Variants in SEC14L5 observed in about 807,000 individuals in gnomAD.
SEC14L5 encodes the protein SEC14 like lipid binding 5, also known as SEC14-like protein 5.
SEC14L5 carries 96 observed loss-of-function variants against 84.6 expected under a neutral mutation model. The ratio of observed to expected loss-of-function variants is 1.13; its 90% CI spans 0.96 to 1.34. The LOEUF is 1.34. SEC14L5 is among the 40% of genes most tolerant of loss of function. The probability of loss-of-function intolerance (pLI) is 0.00; values close to 1 mark genes in which losing one functional copy is unlikely to be tolerated. For missense variants in SEC14L5, 1,224 were observed against 942.5 expected (o/e 1.30, Z -3.91); for synonymous variants, 546 against 383.4 (o/e 1.42, Z -4.95).
chr16:4,986,572 A>C (rs1955489579), intron 2 of SEC14L5, among the ~76,000 whole-genome samples: 2 of 152,228 alleles, frequency 1.3e-5, no homozygotes, highest in South Asian at 2.1e-4. Context: ...ATTTCTGTAA[A>C]GAAGTCAACT....
chr16:4,967,734 G>A (rs1955221765), intron 2 of SEC14L5, among the ~76,000 whole-genome samples: 2 of 150,886 alleles, frequency 1.3e-5, no homozygotes, highest in Admixed American at 1.3e-4. Flanking sequence ...CACCATGCCT[G>A]GCTGATTTTT....
rs1469276288 is a variant in SEC14L5 at position 4,987,630 on chromosome 16, G to A, written c.137G>A (p.Arg46His). ...FLGSEVLRES[R>H]SPDGAVHVVE... ...GGCAGCGAGGTCTTGCGCGAGTCCC[G>A]CAGCCCGGACGGGGCTGTGCACGTG... Residue 46 changes from arginine (R) to histidine (H), a missense_variant, in exon 3 of 16, where the codon CGC (arginine) becomes CAC (histidine). Arg to His is a conservative substitution (Grantham distance 29). Coordinates refer to ENST00000251170, the MANE Select transcript of SEC14L5 (RefSeq NM_014692.2). The A allele has an allele frequency of 6.4e-7, 1 of 1,556,276 alleles. No homozygotes were observed. Among genetic ancestry groups the A allele is most frequent in the East Asian group, 2.4e-5 (1 of 40,848 alleles).
At position 5,008,382 on chromosome 16, in the gene SEC14L5, C is replaced by G. The variant is rs368691374; in HGVS notation, c.1573-39C>G. ...GTGTTCCCCACCCCAGCTCTACTCTCTCGGCCGTGACTCTCAGACCTCGCC... is the reference window on the plus strand; with the variant it reads ...GTGTTCCCCACCCCAGCTCTACTCTGTCGGCCGTGACTCTCAGACCTCGCC... On this transcript the variant is annotated intron_variant, in intron 13 of 15. Transcript: ENST00000251170. 32 of 1,479,584 alleles carry G rather than the reference C, an allele frequency of 2.2e-5. No individual in the cohort carries two copies. In the African/African-American group the frequency reaches 3.3e-4, roughly 15 times the overall value. 91.7% of individuals were successfully genotyped at this position (1,479,584 alleles called of 1,614,324 possible).
At chr16:4,966,582 T>C (rs1298583054) in intron 2 of SEC14L5, among the ~76,000 whole-genome samples, 1 of 152,118 alleles carries the variant, frequency 6.6e-6, no homozygotes, top group Non-Finnish European at 1.5e-5. Context: ...CCCCAGACAC[T>C]GCTCTGAGTC....
intron 2 of SEC14L5, among the ~76,000 whole-genome samples, chr16:4,962,430 G>A (rs1226113374): frequency 6.6e-6 from 1 of 152,098 alleles, no homozygotes; most frequent in East Asian, 1.9e-4. Flanking sequence ...GATCATGCCT[G>A]TAATCCCAAC....
chr16:4,990,704 C>T lies in SEC14L5; in HGVS notation c.346-63C>T, dbSNP rs1737140440. 5.2e-6 allele frequency: 8 copies of T among 1,527,900 alleles called. No homozygotes were observed. In the East Asian group the frequency reaches 1.7e-4, roughly 32 times the overall value. 94.6% of individuals were successfully genotyped at this position (1,527,900 alleles called of 1,614,324 possible). On this transcript the variant is annotated intron_variant, in intron 4 of 15. Transcript: ENST00000251170. ...CCTGGGCCCAGGTCAGTGGGAGAGC[C>T]CTAGGGGAGGGCAGGGTGCCCCCGA...
chr16:4,960,112 G>A (rs1260581590), intron 2 of SEC14L5, among the ~76,000 whole-genome samples: 1 of 152,184 alleles, frequency 6.6e-6, no homozygotes. Context: ...CAGGATCACT[G>A]GTCTTTTCAC....
chr16:4,979,917 C>T (rs1955399252), intron 2 of SEC14L5, among the ~76,000 whole-genome samples: 1 of 152,212 alleles, frequency 6.6e-6, no homozygotes, highest in African/African-American at 2.4e-5. Flanking sequence ...TCTCCAGGTC[C>T]CCTGCTTTGC....
At position 5,016,150 on chromosome 16, in the gene SEC14L5, G is replaced by A. The variant is rs1955873017; in HGVS notation, c.*1180G>A. 6.6e-6 allele frequency: 1 copy of A among 152,210 alleles called. No homozygotes were observed. Among genetic ancestry groups the A allele is most frequent in the Non-Finnish European group, 1.5e-5 (1 of 68,054 alleles). The allele number at this position is 152,210 out of a possible 1,614,324, so 9.4% of individuals were successfully genotyped here. A position where few individuals can be genotyped will look rare whatever the true frequency, so the allele number is the denominator to read the frequency against. Reference sequence around the variant, plus strand: ...CATGGAGTCTCGATTCCCCCCGCGAGTGGAGGCTGCTGTGTTTGCCCTGGG... The same window carrying A: ...CATGGAGTCTCGATTCCCCCCGCGAATGGAGGCTGCTGTGTTTGCCCTGGG... On this transcript the variant is annotated 3_prime_UTR_variant, in exon 16 of 16. Transcript: ENST00000251170.
In SEC14L5 at chr16:4,992,017, G is replaced by T; in HGVS notation, c.654G>T (p.Ala218=). 6.4e-7 allele frequency: 1 copy of T among 1,570,968 alleles called. No homozygotes were observed. Among genetic ancestry groups the T allele is most frequent in the Non-Finnish European group, 8.6e-7 (1 of 1,165,428 alleles). ...PRSTLGPALE[A]VSMDGDKLDA... ...GCACCCTGGGGCCCGCTCTGGAGGCGGTCAGTATGGACGGTAGGTGGTACA... is the reference window on the plus strand; with the variant it reads ...GCACCCTGGGGCCCGCTCTGGAGGCTGTCAGTATGGACGGTAGGTGGTACA... Residue 218 remains alanine (A), a synonymous_variant, in exon 6 of 16, where the codon GCG becomes GCT. Coordinates refer to ENST00000251170, the MANE Select transcript of SEC14L5 (RefSeq NM_014692.2).
At chr16:5,013,891 C>G (rs561405420) in intron 15 of SEC14L5, among the ~76,000 whole-genome samples, 1 of 152,230 alleles carries the variant, frequency 6.6e-6, no homozygotes, top group East Asian at 1.9e-4. Flanking sequence ...TGGGGTCTCA[C>G]TATTTTGCCC....
chr16:5,003,624 G>GGGGC, intron 11 of SEC14L5, 51 bp downstream of exon 11: 1 of 305,312 alleles, frequency 3.3e-6, no homozygotes, highest in Non-Finnish European at 6.5e-6. Context: ...GGTGGGATGG[G>GGGGC]AGGGGTTCCG....
In SEC14L5 at chr16:5,005,950, T is replaced by A; in HGVS notation, c.1339T>A (p.Phe447Ile). ...PFINENTRRK[F>I]LIYSGSNYQG... ...CATCAATGAGAACACCAGGCGGAAG[T>A]TCCTCATCTACAGTGGCAGCAACTA... The change falls in exon 12 of 16, where the codon TTC becomes ATC. Residue 447 changes from phenylalanine to isoleucine, a missense_variant. Coordinates refer to ENST00000251170, the MANE Select transcript of SEC14L5 (RefSeq NM_014692.2). 1 of 1,610,628 alleles carries A rather than the reference T, an allele frequency of 6.2e-7. No homozygotes were observed. Among genetic ancestry groups the A allele is most frequent in the East Asian group, 2.2e-5 (1 of 44,822 alleles).
Position 5,008,540 on chromosome 16 carries a change from A to G in SEC14L5, c.1692A>G (p.Glu564=). The G allele has an allele frequency of 1.2e-6, 2 of 1,609,302 alleles. No homozygotes were observed. Among genetic ancestry groups the G allele is most frequent in the East Asian group, 2.2e-5 (1 of 44,774 alleles). The change falls in exon 14 of 16, where the codon GAA becomes GAG. Residue 564 remains glutamate (E), a synonymous_variant. Transcript: ENST00000251170. ...AGGCGCCCAGGCTGGGCGCCCGGGA[A>G]CCGGGGACCAGGGCCAGCGGGCAGC... ...TKQAPRLGAR[E]PGTRASGQLI...
At chr16:4,986,070 A>G (rs939181141) in intron 2 of SEC14L5, among the ~76,000 whole-genome samples, 7 of 151,864 alleles carry the variant, frequency 4.6e-5, no homozygotes, top group African/African-American at 1.7e-4. Context: ...TATTACGTTC[A>G]TATGACAGGG....
chr16:4,979,459 G>C (rs1955392656), intron 2 of SEC14L5, among the ~76,000 whole-genome samples: 1 of 152,228 alleles, frequency 6.6e-6, no homozygotes, highest in Non-Finnish European at 1.5e-5. Context: ...GCAGCACACG[G>C]TATGCAGTGA....
At chr16:4,966,792 G>A (rs112649815) in intron 2 of SEC14L5, among the ~76,000 whole-genome samples, 31 of 152,312 alleles carry the variant, frequency 2.0e-4, no homozygotes, top group African/African-American at 6.7e-4. Flanking sequence ...GCTGGATGGA[G>A]GATCTGAAGT....
chr16:4,990,045 T>A (rs1016576081), intron 4 of SEC14L5, among the ~76,000 whole-genome samples: 1 of 151,784 alleles, frequency 6.6e-6, no homozygotes. Flanking sequence ...TATATCTTTA[T>A]ATAGATAACA....
chr16:4,986,768 T>G (rs139448283), intron 2 of SEC14L5, among the ~76,000 whole-genome samples: 1 of 152,382 alleles, frequency 6.6e-6, no homozygotes, highest in Non-Finnish European at 1.5e-5. Context: ...AATATATTCC[T>G]AAGTATTTTA....
Sources: gnomAD v4.1 joint callset for allele counts (sites outside exome capture counted in the v4.1 genomes callset) on GRCh38, gnomAD v4.1.1 for gene constraint, MANE v1.5 for transcripts, NCBI Gene and HGNC (gene_info 2026-07-23, HGNC 2026-07-21) for gene names.